The following PIAS1 variants were observed in gnomAD, a reference collection of about 807,000 sequenced individuals.
PIAS1 encodes the protein E3 SUMO-protein ligase PIAS1.
PIAS1 carries 6 observed loss-of-function variants against 71.3 expected under a neutral mutation model. That is an observed-to-expected ratio of 0.08 (90% CI 0.05 to 0.17). The LOEUF (loss-of-function observed/expected upper bound fraction) is 0.17. PIAS1 is among the 10% of genes least tolerant of loss of function. PIAS1 has a pLI of 1.00. For missense variants in PIAS1, 555 were observed against 793.6 expected (o/e 0.70, Z 3.61); for synonymous variants, 303 against 292.9 (o/e 1.03, Z -0.35).
At chr15:68,168,603 A>T (rs2092971351) in intron 8 of PIAS1, among the ~76,000 whole-genome samples, 1 of 152,224 alleles carries the variant, frequency 6.6e-6, no homozygotes, top group South Asian at 2.1e-4. Flanking sequence ...TTCAAAGCTC[A>T]GCTTCTCTCT....
At chr15:68,087,887 C>T (rs957928151) in intron 2 of PIAS1, 9 of 311,394 alleles carry the variant, frequency 2.9e-5, no homozygotes, top group African/African-American at 2.0e-4. Flanking sequence ...CATTTTCAAA[C>T]AACGTGAGTT....
At chr15:68,127,714 A>G (rs1324367577) in intron 2 of PIAS1, among the ~76,000 whole-genome samples, 8 of 152,136 alleles carry the variant, frequency 5.3e-5, no homozygotes, top group Non-Finnish European at 7.3e-5. Flanking sequence ...TAAGCTAGCA[A>G]TCTCTACCAA....
Position 68,114,344 on chromosome 15 carries a change from G to A in PIAS1, c.469+27594G>A, listed in dbSNP as rs539829268. On this transcript the variant is annotated intron_variant, in intron 2 of 13. Transcript: ENST00000249636. ...AAATTCCCATTTAAAGATAGTCAAA[G>A]CAATATGAATTTGTTAATGATTTAG... Among the ~76,000 whole-genome samples, 16 of 152,022 alleles carry A rather than the reference G, an allele frequency of 1.1e-4. No individual in the cohort carries two copies. In the South Asian group the frequency reaches 2.7e-3, roughly 26 times the overall value.
intron 2 of PIAS1, among the ~76,000 whole-genome samples, chr15:68,110,537 A>T (rs906551566): frequency 2.6e-5 from 4 of 152,116 alleles, no homozygotes; most frequent in African/African-American, 9.7e-5. Context: ...CAGAGGTTGC[A>T]GTGAGGCAAG....
At chr15:68,141,034 G>A (rs573637032) in intron 2 of PIAS1, among the ~76,000 whole-genome samples, 3 of 152,110 alleles carry the variant, frequency 2.0e-5, no homozygotes, top group Admixed American at 6.5e-5. Context: ...AAAAAAAAAT[G>A]TATCTAACAT....
intron 2 of PIAS1, among the ~76,000 whole-genome samples, chr15:68,139,069 T>C (rs1338749821): frequency 6.6e-6 from 1 of 152,192 alleles, no homozygotes; most frequent in East Asian, 1.9e-4. Flanking sequence ...TTTCAATATG[T>C]TACTCATTTA....
intron 2 of PIAS1, among the ~76,000 whole-genome samples, chr15:68,118,016 G>C (rs1410474744): frequency 2.6e-5 from 4 of 152,072 alleles, no homozygotes. Context: ...ACCAACACTT[G>C]TCTTCTGGTT....
intron 2 of PIAS1, among the ~76,000 whole-genome samples, chr15:68,116,304 A>T (rs2092564568): frequency 6.6e-6 from 1 of 151,802 alleles, no homozygotes; most frequent in Non-Finnish European, 1.5e-5. Flanking sequence ...CTTTTTTCTT[A>T]AGTAAACTTT....
chr15:68,118,072 A>G (rs1185590623), intron 2 of PIAS1, among the ~76,000 whole-genome samples: 1 of 152,104 alleles, frequency 6.6e-6, no homozygotes, highest in Non-Finnish European at 1.5e-5. Flanking sequence ...CACGCCTGTA[A>G]TCCCAGCACT....
intron 2 of PIAS1, among the ~76,000 whole-genome samples, chr15:68,129,158 C>T (rs1323969249): frequency 3.3e-5 from 5 of 152,084 alleles, no homozygotes; most frequent in Non-Finnish European, 5.9e-5. Context: ...AACTACAGGG[C>T]TCAAGCAGCC....
chr15:68,115,359 TCA>T (rs1302513847), intron 2 of PIAS1, among the ~76,000 whole-genome samples: 1 of 152,162 alleles, frequency 6.6e-6, no homozygotes, highest in African/African-American at 2.4e-5. Flanking sequence ...TTTTTTTATT[TCA>T]GTTTCTGATT....
Position 68,173,637 on chromosome 15 carries a change from C to A in PIAS1, c.1009-95C>A. 1.4e-6 allele frequency: 1 copy of A among 723,792 alleles called. No homozygotes were observed. Among genetic ancestry groups the A allele is most frequent in the Non-Finnish European group, 2.1e-6 (1 of 469,976 alleles). The allele number at this position is 723,792 out of a possible 1,614,324, so 44.8% of individuals were successfully genotyped here. Reference sequence around the variant, plus strand: ...AAAGTCAACACTGTATGCTTTAAATCAGCATGCCTACCTGTTGTGTTCTAG... The same window carrying A: ...AAAGTCAACACTGTATGCTTTAAATAAGCATGCCTACCTGTTGTGTTCTAG... On this transcript the variant is annotated intron_variant, in intron 8 of 13. Transcript: ENST00000249636. This position sits in a 1 kb window ranked among gnomAD's most constrained non-coding sequence, Gnocchi z 4.3.
chr15:68,187,417 TA>T lies in PIAS1; in HGVS notation c.1663-122del. Reference sequence around the variant, plus strand: ...CATTTGATTTTGCAAAATGTCTTAGTAAATATTTCAGAAACCCTAGATACTC... The same window carrying T: ...CATTTGATTTTGCAAAATGTCTTAGTAATATTTCAGAAACCCTAGATACTC... On this transcript the variant is annotated intron_variant, in intron 13 of 13. Coordinates refer to ENST00000249636, the MANE Select transcript of PIAS1 (RefSeq NM_016166.3). The surrounding 1 kb of genome is among the most constrained non-coding windows in gnomAD (Gnocchi z 5.3). 1.2e-6 allele frequency: 1 copy of T among 845,400 alleles called. No homozygotes were observed. The highest frequency in any genetic ancestry group is 1.8e-6 in the Non-Finnish European group (1 of 548,462). 52.4% of individuals were successfully genotyped at this position (845,400 alleles called of 1,614,324 possible).
At chr15:68,127,622 A>G (rs1444684931) in intron 2 of PIAS1, among the ~76,000 whole-genome samples, 1 of 150,330 alleles carries the variant, frequency 6.7e-6, no homozygotes, top group African/African-American at 2.4e-5. Context: ...TTTACAACAC[A>G]AAAACAAAAC....
intron 2 of PIAS1, among the ~76,000 whole-genome samples, chr15:68,117,011 T>C (rs2092570684): frequency 6.6e-6 from 1 of 152,188 alleles, no homozygotes; most frequent in South Asian, 2.1e-4. Flanking sequence ...GCCTTAAACA[T>C]TCATTGTCTG....
chr15:68,193,799 T>G lies in PIAS1; in HGVS notation c.*5964T>G. On this transcript the variant is annotated 3_prime_UTR_variant, in exon 14 of 14. Coordinates refer to ENST00000249636, the MANE Select transcript of PIAS1 (RefSeq NM_016166.3). Reference sequence around the variant, plus strand: ...ATGCTTGAAAGGGCCGGACTCACGGTAGTTAATAAAATCAATACAAATCTT... The same window carrying G: ...ATGCTTGAAAGGGCCGGACTCACGGGAGTTAATAAAATCAATACAAATCTT... The G allele has an allele frequency of 5.9e-6, 3 of 505,406 alleles. No individual in the cohort carries two copies. Among genetic ancestry groups the G allele is most frequent in the Non-Finnish European group, 1.1e-5 (3 of 282,758 alleles). 31.3% of individuals were successfully genotyped at this position (505,406 alleles called of 1,614,324 possible). A position where few individuals can be genotyped will look rare whatever the true frequency, so the allele number is the denominator to read the frequency against.
intron 7 of PIAS1, among the ~76,000 whole-genome samples, chr15:68,156,356 C>G (rs2092889279): frequency 6.6e-6 from 1 of 152,074 alleles, no homozygotes. Flanking sequence ...AAGTTAAGCT[C>G]CAAGATGGGA....
chr15:68,105,513 C>T (rs1426636651), intron 2 of PIAS1, among the ~76,000 whole-genome samples: 2 of 151,980 alleles, frequency 1.3e-5, no homozygotes, highest in African/African-American at 2.4e-5. Context: ...TTAGTGTTTC[C>T]GGAATAAAGA....
intron 4 of PIAS1, among the ~76,000 whole-genome samples, chr15:68,144,982 A>G (rs954496440): frequency 1.4e-4 from 22 of 152,110 alleles, no homozygotes; most frequent in African/African-American, 4.1e-4. Context: ...GGTTCTCCCT[A>G]CTATGTAACT....
Sources: gnomAD v4.1 joint callset for allele counts (sites outside exome capture counted in the v4.1 genomes callset) on GRCh38, gnomAD v4.1.1 for gene constraint, Gnocchi (gnomAD v3.1) non-coding constraint, MANE v1.5 for transcripts, NCBI Gene and HGNC (gene_info 2026-07-23, HGNC 2026-07-21) for gene names.